The following LYRM4 variants were observed in gnomAD, a reference collection of about 807,000 sequenced individuals.
LYRM4 encodes the protein LYR motif-containing protein 4.
In LYRM4, 9 loss-of-function variants were observed where a neutral mutation model predicts 11.7. The observed-to-expected ratio is 0.77, with a 90% CI of 0.46 to 1.34. The LOEUF (loss-of-function observed/expected upper bound fraction) is 1.34, where lower values mean the gene tolerates loss of function less well. Ranked by LOEUF, LYRM4 falls within the 40% of genes most tolerant of loss-of-function variation. LYRM4 has a pLI of 0.00. For synonymous variants in LYRM4, 42 were observed against 40.4 expected (o/e 1.04, Z -0.15); for missense variants, 133 against 112.5 (o/e 1.18, Z -0.82).
chr6:5,192,135 G>A (rs998177527), intron 2 of LYRM4, among the ~76,000 whole-genome samples: 1 of 152,154 alleles, frequency 6.6e-6, no homozygotes, highest in Non-Finnish European at 1.5e-5. Flanking sequence ...AAAAGGCAGT[G>A]GGCTTATAAT....
rs199638382 is a variant in LYRM4, at chr6:5,165,004, G to GA, written c.207+51613dup. The stretch of plus-strand genomic sequence containing the variant: ...AAAAAAAAATTTACTAGTGCCAAGA[G>GA]AAAAAAAAAAGTTATTATGTTCTAC... On this transcript the variant is annotated intron_variant, in intron 2 of 2. Transcript: ENST00000330636. Among the ~76,000 whole-genome samples the GA allele has an allele frequency of 7.7e-5, 11 of 143,032 alleles. No homozygotes were observed. In the South Asian group the frequency reaches 1.1e-3, roughly 15 times the overall value. 93.8% of individuals were successfully genotyped at this position (143,032 alleles called of 152,430 possible).
the LYRM4 span, among the ~76,000 whole-genome samples, chr6:5,053,624 T>A: frequency 1.1e-4 from 17 of 149,032 alleles, no homozygotes; most frequent in African/African-American, 4.3e-4. Flanking sequence ...TGAAATCCTG[T>A]CTCTTGCAAA....
At chr6:5,153,520 A>G (rs1758212168) in intron 2 of LYRM4, among the ~76,000 whole-genome samples, 1 of 152,218 alleles carries the variant, frequency 6.6e-6, no homozygotes, top group Non-Finnish European at 1.5e-5. Context: ...GTTCGGTGTG[A>G]CCGGGGGCAA....
the LYRM4 span, chr6:5,085,206 C>A: frequency 2.3e-6 from 1 of 440,586 alleles, no homozygotes; most frequent in Non-Finnish European, 4.0e-6. Context: ...GCCTCCCCGC[C>A]CCCGGCCCTC....
chr6:5,223,363 A>T (rs1214641553), intron 1 of LYRM4, among the ~76,000 whole-genome samples: 1 of 152,224 alleles, frequency 6.6e-6, no homozygotes, highest in Non-Finnish European at 1.5e-5. Context: ...TTTAATCCTC[A>T]CAAACTACAA....
At position 5,242,579 on chromosome 6, in the gene LYRM4, G is replaced by C. The variant is rs1015240102; in HGVS notation, c.86+18069C>G. On this transcript the variant is annotated intron_variant, in intron 1 of 2. Coordinates refer to ENST00000330636, the MANE Select transcript of LYRM4 (RefSeq NM_020408.6). ...CTATTAAAAATACAAAATTGGCCAG[G>C]TGTGGTGGCGTGCGCCTGTAATCCC... 4.6e-5 allele frequency among the ~76,000 whole-genome samples: 7 copies of C among 151,146 alleles called. No homozygotes were observed. In the South Asian group the frequency reaches 1.1e-3, roughly 23 times the overall value.
chr6:5,066,795 C>G, the LYRM4 span: 1 of 736,192 alleles, frequency 1.4e-6, no homozygotes, highest in Non-Finnish European at 2.4e-6. Flanking sequence ...GTTTAACACC[C>G]TCCTTGGTGA....
At chr6:5,214,047 A>C (rs1160887080) in intron 2 of LYRM4, among the ~76,000 whole-genome samples, 1 of 152,238 alleles carries the variant, frequency 6.6e-6, no homozygotes, top group Non-Finnish European at 1.5e-5. Flanking sequence ...CTGGCCGCAG[A>C]GTCCATGCTC....
chr6:5,085,864 A>G, the LYRM4 span: 2 of 1,530,586 alleles, frequency 1.3e-6, no homozygotes, highest in South Asian at 2.4e-5. Context: ...CTGCTGCGCC[A>G]AGTGCAAGAA....
chr6:5,146,353 G>A (rs1337763573), intron 2 of LYRM4, among the ~76,000 whole-genome samples: 6 of 152,172 alleles, frequency 3.9e-5, no homozygotes, highest in African/African-American at 7.2e-5. Context: ...CATCTTGCTC[G>A]CATGTTATCT....
intron 2 of LYRM4, 100 bp downstream of exon 2, chr6:5,216,518 T>C: frequency 2.2e-6 from 3 of 1,365,482 alleles, no homozygotes; most frequent in Non-Finnish European, 3.1e-6. Flanking sequence ...GATCCTGCTC[T>C]GTAAATCACC....
chr6:5,243,952 T>A (rs1038710899), intron 1 of LYRM4, among the ~76,000 whole-genome samples: 1 of 152,246 alleles, frequency 6.6e-6, no homozygotes, highest in Non-Finnish European at 1.5e-5. Context: ...GGGTAACTTT[T>A]CCTTACGTTC....
At chr6:5,195,436 C>A (rs538896410) in intron 2 of LYRM4, among the ~76,000 whole-genome samples, 7 of 151,780 alleles carry the variant, frequency 4.6e-5, no homozygotes, top group Non-Finnish European at 1.0e-4. Flanking sequence ...ATGGTGAAAC[C>A]CCATCTCTAC....
chr6:5,138,561 T>C lies in LYRM4; in HGVS notation c.208-29070A>G, dbSNP rs184552584. 17 of 291,944 alleles carry C rather than the reference T, an allele frequency of 5.8e-5. No homozygotes were observed. The East Asian group carries it at 8.3e-4, about 14-fold the overall frequency. The allele number at this position is 291,944 out of a possible 1,614,324, so 18.1% of individuals were successfully genotyped here. The stretch of plus-strand genomic sequence containing the variant: ...TTAAAGAATTTTTATCAGTAGCCAG[T>C]AAGAATAATGACTGTTTTTTTTATG... On this transcript the variant is annotated intron_variant, in intron 2 of 2. Coordinates refer to ENST00000330636, the MANE Select transcript of LYRM4 (RefSeq NM_020408.6).
intron 2 of LYRM4, among the ~76,000 whole-genome samples, chr6:5,111,007 A>C (rs1025644185): frequency 6.6e-6 from 1 of 152,184 alleles, no homozygotes; most frequent in Non-Finnish European, 1.5e-5. Flanking sequence ...CAGCACAGGG[A>C]CTTTCTGGCC....
At chr6:5,227,394 A>G (rs1762955980) in intron 1 of LYRM4, among the ~76,000 whole-genome samples, 1 of 152,218 alleles carries the variant, frequency 6.6e-6, no homozygotes. Flanking sequence ...CAGGAAAGCC[A>G]GGATAATTCA....
rs190103506 is a variant in LYRM4, at chr6:5,220,787, G to C, written c.87-4049C>G. ...CTGGAGGTCAAGTCTTCATATTCAA[G>C]TCTTAATGTCTAAAGAGCACTCATT... On this transcript the variant is annotated intron_variant, in intron 1 of 2. Transcript: ENST00000330636. Among the ~76,000 whole-genome samples, 65 of 152,210 alleles carry C rather than the reference G, an allele frequency of 4.3e-4. 1 individual carries two copies. Among genetic ancestry groups the C allele is most frequent in the African/African-American group, 1.5e-3 (62 of 41,536 alleles).
chr6:5,249,977 TA>T (rs1408558964), intron 1 of LYRM4, among the ~76,000 whole-genome samples: 1 of 152,216 alleles, frequency 6.6e-6, no homozygotes, highest in African/African-American at 2.4e-5. Context: ...AGGTTCATTA[TA>T]GCCATTTCAA....
At chr6:5,241,068 T>G (rs910582032) in intron 1 of LYRM4, among the ~76,000 whole-genome samples, 2 of 152,214 alleles carry the variant, frequency 1.3e-5, no homozygotes, top group African/African-American at 4.8e-5. Context: ...GAACTGCAGC[T>G]TTCTTGTTTG....
Sources: gnomAD v4.1 joint callset for allele counts (sites outside exome capture counted in the v4.1 genomes callset) on GRCh38, gnomAD v4.1.1 for gene constraint, MANE v1.5 for transcripts, NCBI Gene and HGNC (gene_info 2026-07-23, HGNC 2026-07-21) for gene names.